The following CCDC25 variants were observed in gnomAD, a reference collection of about 807,000 sequenced individuals.
CCDC25 encodes coiled-coil domain containing 25.
CCDC25 carries 16 observed loss-of-function variants against 35.3 expected under a neutral mutation model. The observed-to-expected ratio is 0.45, with a 90% confidence interval of 0.31 to 0.69. The LOEUF (loss-of-function observed/expected upper bound fraction) is 0.69. CCDC25 is among the 30% of genes least tolerant of loss of function. The probability of loss-of-function intolerance (pLI) is 0.06; values close to 1 mark genes in which losing one functional copy is unlikely to be tolerated. For missense variants in CCDC25, 179 were observed against 250.7 expected (o/e 0.71, Z 1.93); for synonymous variants, 79 against 80.3 (o/e 0.98, Z 0.09).
chr8:27,771,546 C>T (rs1804617520), intron 1 of CCDC25, among the ~76,000 whole-genome samples: 1 of 152,092 alleles, frequency 6.6e-6, no homozygotes, highest in South Asian at 2.1e-4. Flanking sequence ...CCTTATTGTA[C>T]TGTACTCACT....
chr8:27,736,951 T>C (rs1803252517), intron 8 of CCDC25, among the ~76,000 whole-genome samples: 1 of 152,252 alleles, frequency 6.6e-6, no homozygotes, highest in Admixed American at 6.5e-5. Context: ...TGCTTGCCAA[T>C]GTCACAATCT....
At chr8:27,761,045 CTT>C (rs924278426) in intron 3 of CCDC25, among the ~76,000 whole-genome samples, 7 of 152,004 alleles carry the variant, frequency 4.6e-5, no homozygotes, top group African/African-American at 1.7e-4. Context: ...AGGAGAATCT[CTT>C]GAACTAGGGA....
intron 1 of CCDC25, 25 bp from the exon 2 acceptor site, chr8:27,765,276 C>T (rs1465275259): frequency 7.7e-6 from 11 of 1,423,576 alleles, no homozygotes; most frequent in Non-Finnish European, 1.0e-5. Context: ...AAATAAAAAA[C>T]AATTAGTAAC....
intron 3 of CCDC25, among the ~76,000 whole-genome samples, chr8:27,757,675 C>T (rs775548965): frequency 2.2e-4 from 34 of 152,318 alleles, no homozygotes; most frequent in African/African-American, 6.0e-4. Context: ...ATGCCCCCTC[C>T]GCATCCCAGC....
chr8:27,748,015 A>T lies in CCDC25; in HGVS notation c.551+62T>A, dbSNP rs144489715. The T allele has an allele frequency of 3.3e-5, 50 of 1,504,350 alleles. No individual in the cohort carries two copies. The African/African-American group carries it at 5.4e-4, about 16-fold the overall frequency. 93.2% of individuals were successfully genotyped at this position (1,504,350 alleles called of 1,614,324 possible). ...ATATATCGTTCTTAATGGCTAATAC[A>T]TGATTAAAATCATCAGGGAATAATC... On this transcript the variant is annotated intron_variant, in intron 7 of 8. Transcript: ENST00000356537.
intron 1 of CCDC25, among the ~76,000 whole-genome samples, chr8:27,771,769 G>A (rs534347345): frequency 8.4e-4 from 128 of 152,306 alleles, no homozygotes; most frequent in Non-Finnish European, 1.6e-3. Flanking sequence ...TGGGGTAGGA[G>A]CTAGCATCAG....
chr8:27,770,479 G>A (rs1804558451), intron 1 of CCDC25, among the ~76,000 whole-genome samples: 1 of 149,056 alleles, frequency 6.7e-6, no homozygotes, highest in Non-Finnish European at 1.5e-5. Context: ...GGCTCATGCT[G>A]GTAATCCCAG....
chr8:27,756,656 A>G lies in CCDC25; in HGVS notation c.168+63T>C, dbSNP rs1804014843. The G allele has an allele frequency of 2.6e-6, 3 of 1,140,158 alleles. No individual in the cohort carries two copies. The South Asian group carries it at 3.8e-5, about 14-fold the overall frequency. The allele number at this position is 1,140,158 out of a possible 1,614,324, so 70.6% of individuals were successfully genotyped here. ...TGTAAGCAATTTAATTGCAAAGGATAAAGAACAAGATATGATGCATCATCA... is the reference window on the plus strand; with the variant it reads ...TGTAAGCAATTTAATTGCAAAGGATGAAGAACAAGATATGATGCATCATCA... On this transcript the variant is annotated intron_variant, in intron 4 of 8. Transcript: ENST00000356537.
At chr8:27,770,899 A>G (rs1301929950) in intron 1 of CCDC25, among the ~76,000 whole-genome samples, 1 of 152,230 alleles carries the variant, frequency 6.6e-6, no homozygotes, top group Non-Finnish European at 1.5e-5. Context: ...CGTTAGGGAA[A>G]CAAGTACAGT....
chr8:27,763,193 T>C (rs970967090), intron 2 of CCDC25, among the ~76,000 whole-genome samples: 1 of 152,206 alleles, frequency 6.6e-6, no homozygotes, highest in Admixed American at 6.5e-5. Flanking sequence ...TTGTTTCTAA[T>C]TATAAATGGT....
chr8:27,742,057 C>T (rs1803458067), intron 7 of CCDC25, among the ~76,000 whole-genome samples: 1 of 152,096 alleles, frequency 6.6e-6, no homozygotes, highest in South Asian at 2.1e-4. Context: ...ACAATGACAT[C>T]AAGGTTTGTA....
At chr8:27,755,738 T>C (rs959684019) in intron 4 of CCDC25, among the ~76,000 whole-genome samples, 1 of 152,208 alleles carries the variant, frequency 6.6e-6, no homozygotes, top group African/African-American at 2.4e-5. Context: ...CTCTGTGATA[T>C]TCTCCCCCTA....
Position 27,740,531 on chromosome 8 carries a change from A to AC in CCDC25, c.552-15_552-14insG, listed in dbSNP as rs760652516. ...GATGAATAGCTCCTAGAAGGAAAAA[A>AC]ACACACACACACATTTAAAATATGG... On this transcript the variant is annotated splice_polypyrimidine_tract_variant and intron_variant, in intron 7 of 8. Transcript: ENST00000356537. The AC allele has an allele frequency of 9.6e-6, 15 of 1,570,560 alleles. No homozygotes were observed. Among genetic ancestry groups the AC allele is most frequent in the African/African-American group, 2.7e-5 (2 of 74,126 alleles).
chr8:27,770,608 G>A (rs1328100105), intron 1 of CCDC25, among the ~76,000 whole-genome samples: 1 of 151,486 alleles, frequency 6.6e-6, no homozygotes, highest in African/African-American at 2.4e-5. Context: ...GCTTGGTGGC[G>A]CATTCCTGTA....
intron 1 of CCDC25, among the ~76,000 whole-genome samples, chr8:27,767,008 G>C (rs12155559): frequency 1.3e-5 from 2 of 151,962 alleles, no homozygotes; most frequent in South Asian, 4.1e-4. Context: ...TTTAACAACA[G>C]TTACCTTGGT....
intron 3 of CCDC25, among the ~76,000 whole-genome samples, chr8:27,757,883 T>C (rs1269886662): frequency 6.6e-6 from 1 of 152,198 alleles, no homozygotes; most frequent in Non-Finnish European, 1.5e-5. Context: ...TTTGGTGCTA[T>C]TCTTATGATA....
Position 27,748,225 on chromosome 8 carries a change from T to C in CCDC25, c.403A>G (p.Lys135Glu). 2 of 1,614,100 alleles carry C rather than the reference T, an allele frequency of 1.2e-6. No homozygotes were observed. Among genetic ancestry groups the C allele is most frequent in the Non-Finnish European group, 1.7e-6 (2 of 1,179,954 alleles). Residue 135 changes from lysine (K) to glutamate (E), a missense_variant, in exon 7 of 9, where the codon AAG (lysine) becomes GAG (glutamate). Lys to Glu is a moderately conservative substitution (Grantham distance 56, BLOSUM62 1). Transcript: ENST00000356537. Reference protein sequence around the residue: ...KVNEILNRLEKTKVERFPDLA... With the variant: ...KVNEILNRLEETKVERFPDLA... The stretch of plus-strand genomic sequence containing the variant: ...TCTGGGAACCGCTCGACTTTGGTCT[T>C]TTCTAATCGGTTCAGGATCTCATTT...
Position 27,758,511 on chromosome 8 carries a change from C to G in CCDC25, c.117-1741G>C, listed in dbSNP as rs192121278. On this transcript the variant is annotated intron_variant, in intron 3 of 8. Coordinates refer to ENST00000356537, the MANE Select transcript of CCDC25 (RefSeq NM_018246.3). ...AGTGGTTCACTTACTCATTTGCATT[C>G]CCATGTGAGAGATTCATACTAATTA... is the stretch of plus-strand genomic sequence containing the variant. Among the ~76,000 whole-genome samples the G allele has an allele frequency of 2.2e-3, 341 of 152,308 alleles. 3 individuals carry two copies. The highest frequency in any genetic ancestry group is 8.0e-3 in the African/African-American group (331 of 41,568).
chr8:27,733,643 G>A lies in CCDC25; in HGVS notation c.*2573C>T, dbSNP rs1329932328. 1.3e-5 allele frequency: 2 copies of A among 152,144 alleles called. No homozygotes were observed. The highest frequency in any genetic ancestry group is 2.9e-5 in the Non-Finnish European group (2 of 68,032). The allele number at this position is 152,144 out of a possible 1,614,324, so 9.4% of individuals were successfully genotyped here. On this transcript the variant is annotated 3_prime_UTR_variant, in exon 9 of 9. Transcript: ENST00000356537. ...TTGTGGTCTGGTCAGATTTTAGTCT[G>A]CTTCAAAATCAAAAGGTCACTCAGT... is the stretch of plus-strand genomic sequence containing the variant.
Sources: allele counts gnomAD v4.1 joint callset (sites outside exome capture counted in the v4.1 genomes callset), GRCh38; gene constraint gnomAD v4.1.1; transcripts MANE v1.5; gene names NCBI Gene and HGNC (gene_info 2026-07-23, HGNC 2026-07-21).